Variants in PDE3B observed in about 807,000 individuals in gnomAD.
The protein encoded by PDE3B is cGMP-inhibited 3',5'-cyclic phosphodiesterase 3B.
A neutral mutation model predicts 116.8 loss-of-function variants in PDE3B; 66 were observed. The ratio of observed to expected loss-of-function variants is 0.56; its 90% CI spans 0.46 to 0.69. PDE3B has a LOEUF of 0.69. PDE3B is among the 30% of genes least tolerant of loss of function. The pLI, the probability that PDE3B is intolerant of heterozygous loss-of-function variation, is 0.00. For missense variants in PDE3B, 1,384 were observed against 1,368.1 expected, an observed-to-expected ratio of 1.01 and a Z score of -0.18; for synonymous variants, 595 against 533.6, an observed-to-expected ratio of 1.12 and a Z score of -1.59.
chr11:14,669,275 G>T (rs1355444051), intron 1 of PDE3B, among the ~76,000 whole-genome samples: 1 of 152,054 alleles, frequency 6.6e-6, no homozygotes, highest in South Asian at 2.1e-4. Context: ...GAGAGTGGGG[G>T]AGAATAACTA....
chr11:14,747,905 C>T (rs535542883), intron 1 of PDE3B, among the ~76,000 whole-genome samples: 8 of 151,886 alleles, frequency 5.3e-5, no homozygotes, highest in Non-Finnish European at 1.2e-4. Flanking sequence ...ATTCAAAAGC[C>T]CCTTTGAAGA....
chr11:14,778,140 G>A (rs553832746), intron 2 of PDE3B, among the ~76,000 whole-genome samples: 1 of 152,312 alleles, frequency 6.6e-6, no homozygotes, highest in East Asian at 1.9e-4. Flanking sequence ...CATTGCTGAG[G>A]CTTGAGTAGG....
intron 1 of PDE3B, among the ~76,000 whole-genome samples, chr11:14,752,284 C>T (rs923107323): frequency 3.3e-5 from 5 of 152,088 alleles, no homozygotes; most frequent in African/African-American, 1.2e-4. Flanking sequence ...TTTGTTCAGA[C>T]CTTTTCAGTT....
intron 1 of PDE3B, among the ~76,000 whole-genome samples, chr11:14,758,873 T>C (rs2133884513): frequency 6.6e-6 from 1 of 152,006 alleles, no homozygotes; most frequent in South Asian, 2.1e-4. Flanking sequence ...CTTCCAGTTT[T>C]TGCCCATTCA....
chr11:14,770,603 G>A (rs572082072), intron 1 of PDE3B, among the ~76,000 whole-genome samples: 1 of 151,480 alleles, frequency 6.6e-6, no homozygotes, highest in Non-Finnish European at 1.5e-5. Context: ...CCACATTTAG[G>A]ACCATATAAA....
intron 1 of PDE3B, among the ~76,000 whole-genome samples, chr11:14,647,882 T>G (rs758931264): frequency 3.3e-5 from 5 of 151,934 alleles, no homozygotes; most frequent in Non-Finnish European, 7.4e-5. Context: ...TTTATAATAT[T>G]TGATTTAAAT....
chr11:14,715,697 C>A (rs1179047522), intron 1 of PDE3B, among the ~76,000 whole-genome samples: 1 of 152,202 alleles, frequency 6.6e-6, no homozygotes, highest in East Asian at 1.9e-4. Context: ...ATCATGTTAT[C>A]TGCAAACAGA....
At chr11:14,770,851 G>A (rs1857619465) in intron 1 of PDE3B, among the ~76,000 whole-genome samples, 1 of 151,562 alleles carries the variant, frequency 6.6e-6, no homozygotes, top group South Asian at 2.1e-4. Flanking sequence ...ATTAAACATG[G>A]GTGTATTATG....
At chr11:14,734,897 ATCTGT>A (rs1191317858) in intron 1 of PDE3B, among the ~76,000 whole-genome samples, 18 of 152,188 alleles carry the variant, frequency 1.2e-4, no homozygotes, top group Non-Finnish European at 2.5e-4. Context: ...CTTATGTAAT[ATCTGT>A]TCTTTATTTA....
intron 1 of PDE3B, among the ~76,000 whole-genome samples, chr11:14,726,202 CTTCT>C (rs1856301658): frequency 1.3e-5 from 2 of 152,140 alleles, no homozygotes. Flanking sequence ...ATAAATAAGC[CTTCT>C]TTGACACCTG....
intron 1 of PDE3B, among the ~76,000 whole-genome samples, chr11:14,723,040 GC>G (rs1856170353): frequency 6.6e-6 from 1 of 152,158 alleles, no homozygotes; most frequent in East Asian, 1.9e-4. Flanking sequence ...ATCCTAAATG[GC>G]ATCTGGCCAT....
At chr11:14,880,759 T>C in the PDE3B span, 2 of 1,607,728 alleles carry the variant, frequency 1.2e-6, no homozygotes, top group Non-Finnish European at 1.7e-6. Flanking sequence ...ATATCTGGAA[T>C]TGAGTAAGCC....
rs1370405150 is a variant in PDE3B, at chr11:14,644,194, G to C, written c.119G>C (p.Arg40Pro). ...GTGAAGAGCTGCGTGAGCCCCTTGCGGCAGGACCCTCCGCGCGGCTTCTTC... is the reference window on the plus strand; with the variant it reads ...GTGAAGAGCTGCGTGAGCCCCTTGCCGCAGGACCCTCCGCGCGGCTTCTTC... The part of the protein sequence containing the change: ...GYVKSCVSPL[R>P]QDPPRGFFFH... Residue 40 changes from arginine to proline, a missense_variant, in exon 1 of 16, where the codon CGG becomes CCG. Transcript: ENST00000282096. 3 of 1,596,922 alleles carry C rather than the reference G, an allele frequency of 1.9e-6. No homozygotes were observed. The highest frequency in any genetic ancestry group is 2.3e-5 in the East Asian group (1 of 44,038).
chr11:14,740,585 T>C (rs1856740085), intron 1 of PDE3B, among the ~76,000 whole-genome samples: 2 of 152,206 alleles, frequency 1.3e-5, no homozygotes, highest in East Asian at 3.9e-4. Flanking sequence ...GAAAGATTTT[T>C]TGTGTCTCTA....
chr11:14,854,658 A>T (rs1555005882), intron 12 of PDE3B, among the ~76,000 whole-genome samples: 2 of 152,052 alleles, frequency 1.3e-5, no homozygotes, highest in African/African-American at 4.8e-5. Flanking sequence ...CTGAGACTAC[A>T]GGGGCATGCC....
intron 1 of PDE3B, among the ~76,000 whole-genome samples, chr11:14,712,933 G>T (rs1213171827): frequency 6.6e-6 from 1 of 152,142 alleles, no homozygotes; most frequent in East Asian, 1.9e-4. Context: ...GAACTGTTTG[G>T]TTATACCTTG....
At chr11:14,684,318 T>C (rs563617349) in intron 1 of PDE3B, among the ~76,000 whole-genome samples, 43 of 152,270 alleles carry the variant, frequency 2.8e-4, no homozygotes, top group South Asian at 2.5e-3. Context: ...CACGTATCGG[T>C]AGGACCATGA....
intron 5 of PDE3B, among the ~76,000 whole-genome samples, chr11:14,804,571 A>G (rs1590159173): frequency 6.6e-6 from 1 of 152,168 alleles, no homozygotes; most frequent in Non-Finnish European, 1.5e-5. Flanking sequence ...TTTAAAGTAC[A>G]TTATGGCTGA....
chr11:14,765,195 A>G (rs1289486610), intron 1 of PDE3B, among the ~76,000 whole-genome samples: 1 of 152,032 alleles, frequency 6.6e-6, no homozygotes, highest in Non-Finnish European at 1.5e-5. Context: ...AGGATGCTGT[A>G]ACAGTTAATT....
Sources: gnomAD v4.1 joint callset for allele counts (sites outside exome capture counted in the v4.1 genomes callset) on GRCh38, gnomAD v4.1.1 for gene constraint, MANE v1.5 for transcripts, NCBI Gene and HGNC (gene_info 2026-07-23, HGNC 2026-07-21) for gene names.